ZBTB7A: variants seen among roughly 807,000 people sequenced by gnomAD.
ZBTB7A encodes the protein zinc finger and BTB domain containing 7A, also known as zinc finger and BTB domain-containing protein 7A.
ZBTB7A carries 7 observed loss-of-function variants against 26.7 expected under a neutral mutation model. That is an observed-to-expected ratio of 0.26 (90% CI 0.15 to 0.49). The LOEUF (loss-of-function observed/expected upper bound fraction) is 0.49, where lower values mean the gene tolerates loss of function less well. ZBTB7A is among the 20% of genes least tolerant of loss of function. The pLI is 0.98. For synonymous variants in ZBTB7A, 452 were observed against 441.0 expected, an observed-to-expected ratio of 1.02 and a Z score of -0.31; for missense variants, 617 against 919.5, an observed-to-expected ratio of 0.67 and a Z score of 4.25.
At chr19:4,063,482 C>T (rs900268865) in intron 1 of ZBTB7A, among the ~76,000 whole-genome samples, 5 of 152,328 alleles carry the variant, frequency 3.3e-5, no homozygotes, top group Admixed American at 1.3e-4. Flanking sequence ...GCCTCGTATG[C>T]ACGTGCGCCA....
At chr19:4,064,351 C>G (rs1460339010) in intron 1 of ZBTB7A, among the ~76,000 whole-genome samples, 1 of 152,260 alleles carries the variant, frequency 6.6e-6, no homozygotes, top group Non-Finnish European at 1.5e-5. Flanking sequence ...CAAGCTCTGT[C>G]TCCACAGCGA....
intron 1 of ZBTB7A, among the ~76,000 whole-genome samples, chr19:4,056,853 C>A (rs1419679596): frequency 1.3e-5 from 2 of 151,230 alleles, no homozygotes; most frequent in African/African-American, 4.9e-5. Flanking sequence ...GGCCACAGAG[C>A]GAGACTCCGT....
chr19:4,049,166 G>GTATATATATATATA (rs1186333792), intron 2 of ZBTB7A, among the ~76,000 whole-genome samples: 4 of 13,482 alleles, frequency 3.0e-4, no homozygotes, highest in Non-Finnish European at 6.0e-4. Flanking sequence ...GTGTGTGTGT[G>GTATATATATATATA]TGTATATATA....
chr19:4,045,695 T>A lies in ZBTB7A; in HGVS notation c.*2057A>T. On this transcript the variant is annotated 3_prime_UTR_variant, in exon 3 of 3. Transcript: ENST00000322357. This position sits in a 1 kb window ranked among gnomAD's most constrained non-coding sequence, Gnocchi z 4.1. Reference sequence around the variant, plus strand: ...AGTCTCAGTGCAGCAGAGCGTCTATTTTCGGGGTCCCATGCTAGCATTGCA... The same window carrying A: ...AGTCTCAGTGCAGCAGAGCGTCTATATTCGGGGTCCCATGCTAGCATTGCA... 1 of 386,364 alleles carries A rather than the reference T, an allele frequency of 2.6e-6. No individual in the cohort carries two copies. The highest frequency in any genetic ancestry group is 4.6e-6 in the Non-Finnish European group (1 of 218,760). 23.9% of individuals were successfully genotyped at this position (386,364 alleles called of 1,614,324 possible). A position where few individuals can be genotyped will look rare whatever the true frequency, so the allele number is the denominator to read the frequency against.
Position 4,048,649 on chromosome 19 carries a change from G to A in ZBTB7A, c.1263-405C>T, listed in dbSNP as rs946083973. Among the ~76,000 whole-genome samples, 11 of 151,424 alleles carry A rather than the reference G, an allele frequency of 7.3e-5. No individual in the cohort carries two copies. The highest frequency in any genetic ancestry group is 1.5e-4 in the Non-Finnish European group (10 of 67,930). ...AGTTCGAGACCAGCCTGATCGACAC[G>A]GTGAAACCCTGTCTCTACTAAAAAA... On this transcript the variant is annotated intron_variant, in intron 2 of 2. Coordinates refer to ENST00000322357, the MANE Select transcript of ZBTB7A (RefSeq NM_015898.4). This position sits in a 1 kb window ranked among gnomAD's most constrained non-coding sequence, Gnocchi z 6.7.
At position 4,054,784 on chromosome 19, in the gene ZBTB7A, TC is replaced by T; in HGVS notation, c.448del (p.Asp150IlefsTer20). On this transcript the variant is annotated frameshift_variant, in exon 2 of 3. Transcript: ENST00000322357. LOFTEE classifies it high-confidence loss of function. ...AGQLDLVDQI[D>X]QRNLLRAKEY... ...CTTGGCGCGGAGGAGGTTGCGCTGA[TC>T]AATTTGATCTACAAGGTCCAGCTGC... 1 of 1,582,868 alleles carries T rather than the reference TC, an allele frequency of 6.3e-7. No individual in the cohort carries two copies. Among genetic ancestry groups the T allele is most frequent in the Admixed American group, 1.8e-5 (1 of 55,340 alleles).
Position 4,047,660 on chromosome 19 carries a change from CTT to C in ZBTB7A, c.*90_*91del. On this transcript the variant is annotated 3_prime_UTR_variant, in exon 3 of 3. Transcript: ENST00000322357. ...AGATATCTGTATATAGATAGATTTT[CTT>C]TTTTTGTGTTTTTGGGGGGGTGGTG... The C allele has an allele frequency of 7.1e-7, 1 of 1,403,446 alleles. No homozygotes were observed. Among genetic ancestry groups the C allele is most frequent in the Non-Finnish European group, 9.5e-7 (1 of 1,047,788 alleles). The allele number at this position is 1,403,446 out of a possible 1,614,324, so 86.9% of individuals were successfully genotyped here. A position where few individuals can be genotyped will look rare whatever the true frequency, so the allele number is the denominator to read the frequency against.
chr19:4,057,372 C>T (rs1358164139), intron 1 of ZBTB7A, among the ~76,000 whole-genome samples: 4 of 152,150 alleles, frequency 2.6e-5, no homozygotes, highest in East Asian at 3.9e-4. Context: ...GGAAAGGGCA[C>T]TCTGAGGCGC....
chr19:4,049,547 C>G (rs1167253576), intron 2 of ZBTB7A, among the ~76,000 whole-genome samples: 1 of 152,134 alleles, frequency 6.6e-6, no homozygotes, highest in East Asian at 1.9e-4. Flanking sequence ...CCTCTCGAGG[C>G]TGGCGGCGGC....
In ZBTB7A at chr19:4,054,609, GGCGGCCACA is replaced by G. The variant is rs770145935; in HGVS notation, c.615_623del (p.Val209_Ala211del). On this transcript the variant is annotated inframe_deletion, in exon 2 of 3. Transcript: ENST00000322357. The stretch of plus-strand genomic sequence containing the variant: ...AGCCGTTGCAGTCGCCCGCGGCCAC[GGCGGCCACA>G]GCGGCGGCCACGGCCTCCTTGGTGG... 10 of 1,584,170 alleles carry G rather than the reference GGCGGCCACA, an allele frequency of 6.3e-6. 1 individual carries two copies. In the Middle Eastern group the frequency reaches 5.0e-4, roughly 80 times the overall value.
Position 4,048,289 on chromosome 19 carries a change from C to T in ZBTB7A, c.1263-45G>A. On this transcript the variant is annotated intron_variant, in intron 2 of 2. Transcript: ENST00000322357. This position sits in a 1 kb window ranked among gnomAD's most constrained non-coding sequence, Gnocchi z 6.7. ...CGGGCACGGTCAGTGGGGCCGGGGACCCCCGATCCCCGCCCAGGGACCCTC... is the reference window on the plus strand; with the variant it reads ...CGGGCACGGTCAGTGGGGCCGGGGATCCCCGATCCCCGCCCAGGGACCCTC... 1.3e-6 allele frequency: 2 copies of T among 1,513,622 alleles called. No individual in the cohort carries two copies. The highest frequency in any genetic ancestry group is 1.2e-5 in the South Asian group (1 of 80,770). 93.8% of individuals were successfully genotyped at this position (1,513,622 alleles called of 1,614,324 possible). A position where few individuals can be genotyped will look rare whatever the true frequency, so the allele number is the denominator to read the frequency against.
Position 4,055,357 on chromosome 19 carries a change from C to A in ZBTB7A, c.-15-110G>T. 4 of 1,403,082 alleles carry A rather than the reference C, an allele frequency of 2.9e-6. No individual in the cohort carries two copies. The South Asian group carries it at 4.8e-5, about 17-fold the overall frequency. 86.9% of individuals were successfully genotyped at this position (1,403,082 alleles called of 1,614,324 possible). Reference sequence around the variant, plus strand: ...GAAGCAGCGTTCCACCCTGCTCCCCCAGCCTCACATTCCCACCTGCACGTG... The same window carrying A: ...GAAGCAGCGTTCCACCCTGCTCCCCAAGCCTCACATTCCCACCTGCACGTG... On this transcript the variant is annotated intron_variant, in intron 1 of 2. Coordinates refer to ENST00000322357, the MANE Select transcript of ZBTB7A (RefSeq NM_015898.4).
intron 2 of ZBTB7A, among the ~76,000 whole-genome samples, chr19:4,050,935 C>T (rs980057773): frequency 3.3e-5 from 5 of 151,600 alleles, no homozygotes; most frequent in African/African-American, 1.2e-4. Context: ...CCCGTCTCTA[C>T]TAAAAATACA....
chr19:4,045,678 T>G lies in ZBTB7A; in HGVS notation c.*2074A>C. On this transcript the variant is annotated 3_prime_UTR_variant, in exon 3 of 3. Transcript: ENST00000322357. The surrounding 1 kb of genome is among the most constrained non-coding windows in gnomAD (Gnocchi z 4.1). ...GTTGGGCATTGACAAGAAGTCTCAGTGCAGCAGAGCGTCTATTTTCGGGGT... is the reference window on the plus strand; with the variant it reads ...GTTGGGCATTGACAAGAAGTCTCAGGGCAGCAGAGCGTCTATTTTCGGGGT... 5.2e-6 allele frequency: 2 copies of G among 384,396 alleles called. No individual in the cohort carries two copies. Among genetic ancestry groups the G allele is most frequent in the Non-Finnish European group, 9.2e-6 (2 of 217,496 alleles). The allele number at this position is 384,396 out of a possible 1,614,324, so 23.8% of individuals were successfully genotyped here. A position where few individuals can be genotyped will look rare whatever the true frequency, so the allele number is the denominator to read the frequency against.
chr19:4,063,462 T>C (rs2040660119), intron 1 of ZBTB7A, among the ~76,000 whole-genome samples: 1 of 152,112 alleles, frequency 6.6e-6, no homozygotes, highest in Admixed American at 6.5e-5. Flanking sequence ...CTCGGCAGGA[T>C]TGCAGAGGGG....
intron 2 of ZBTB7A, among the ~76,000 whole-genome samples, chr19:4,051,096 CAAAAAAAAAAAAAA>C (rs71166952): frequency 2.8e-4 from 12 of 42,422 alleles, no homozygotes; most frequent in South Asian, 1.5e-3. Flanking sequence ...AGACTCGTCT[CAAAAAAAAAAAAAA>C]AAAAAAAAAA....
At position 4,066,667 on chromosome 19, in the gene ZBTB7A, C is replaced by G. The variant is rs1353608689; in HGVS notation, c.-16+15G>C. On this transcript the variant is annotated intron_variant, in intron 1 of 2. Coordinates refer to ENST00000322357, the MANE Select transcript of ZBTB7A (RefSeq NM_015898.4). ...CTGCACCCCGTGCCGGGGGCCGCGC[C>G]GGGCGCTGACTTACCTCGCGGGGCC... 4.0e-5 allele frequency: 6 copies of G among 151,338 alleles called. No homozygotes were observed. The highest frequency in any genetic ancestry group is 2.0e-4 in the Admixed American group (3 of 15,166). The allele number at this position is 151,338 out of a possible 1,614,324, so 9.4% of individuals were successfully genotyped here.
intron 2 of ZBTB7A, among the ~76,000 whole-genome samples, chr19:4,049,833 T>A (rs2040479267): frequency 6.6e-6 from 1 of 152,142 alleles, no homozygotes; most frequent in Non-Finnish European, 1.5e-5. Context: ...CTTTCTTTTT[T>A]CCTCCTGGAT....
Position 4,054,304 on chromosome 19 carries a change from T to G in ZBTB7A, c.929A>C (p.Asp310Ala), listed in dbSNP as rs2040544423. 6.5e-7 allele frequency: 1 copy of G among 1,533,538 alleles called. No individual in the cohort carries two copies. Among genetic ancestry groups the G allele is most frequent in the Non-Finnish European group, 8.7e-7 (1 of 1,146,140 alleles). 95.0% of individuals were successfully genotyped at this position (1,533,538 alleles called of 1,614,324 possible). A position where few individuals can be genotyped will look rare whatever the true frequency, so the allele number is the denominator to read the frequency against. ...AAEGEDGDGP[D>A]VDGLAASTLL... is the part of the protein sequence containing the mutation. ...CGTGCTGGCCGCCAGCCCGTCCACG[T>G]CGGGCCCGTCCCCGTCCTCGCCCTC... Residue 310 changes from aspartate (D) to alanine (A), a missense_variant, in exon 2 of 3, where the codon GAC becomes GCC. By Grantham distance (126) the Asp-to-Ala change is moderately radical (BLOSUM62 -2). Around this residue, in one of 5 missense-constraint regions of ZBTB7A, gnomAD observed 331 missense variants for 391.3 expected, o/e 0.85. Transcript: ENST00000322357.
Sources: allele counts gnomAD v4.1 joint callset (sites outside exome capture counted in the v4.1 genomes callset), GRCh38; gene constraint gnomAD v4.1.1; regional missense constraint gnomAD v4.1.1; non-coding constraint Gnocchi (gnomAD v3.1); transcripts MANE v1.5; gene names NCBI Gene and HGNC (gene_info 2026-07-23, HGNC 2026-07-21).